The following NOL4 variants were observed in gnomAD, a reference collection of about 807,000 sequenced individuals.
NOL4 encodes the protein nucleolar protein 4.
In NOL4, 17 loss-of-function variants were observed where a neutral mutation model predicts 75.9. The ratio of observed to expected loss-of-function variants is 0.22; its 90% CI spans 0.15 to 0.34. NOL4 has a LOEUF of 0.34. NOL4 is among the 10% of genes least tolerant of loss of function. The pLI is 1.00. For synonymous variants in NOL4, 292 were observed against 289.9 expected, an observed-to-expected ratio of 1.01 and a Z score of -0.07; for missense variants, 614 against 793.5, an observed-to-expected ratio of 0.77 and a Z score of 2.72.
chr18:34,100,568 C>G (rs2079000387), intron 4 of NOL4, among the ~76,000 whole-genome samples: 1 of 152,124 alleles, frequency 6.6e-6, no homozygotes, highest in Admixed American at 6.6e-5. Context: ...AAACCTTTTT[C>G]CAGTTTTATT....
At chr18:33,995,468 C>T (rs1351311462) in intron 6 of NOL4, among the ~76,000 whole-genome samples, 5 of 151,454 alleles carry the variant, frequency 3.3e-5, no homozygotes, top group Non-Finnish European at 7.4e-5. Flanking sequence ...AAAAAACTGT[C>T]AATCATATCA....
chr18:34,139,285 C>T (rs1022971707), intron 1 of NOL4, among the ~76,000 whole-genome samples: 21 of 152,212 alleles, frequency 1.4e-4, no homozygotes, highest in South Asian at 1.2e-3. Context: ...TAGTAGAATT[C>T]GGCTGTGAAT....
chr18:33,955,463 T>C (rs897514399), intron 8 of NOL4, among the ~76,000 whole-genome samples: 2 of 152,060 alleles, frequency 1.3e-5, no homozygotes, highest in Admixed American at 1.3e-4. Context: ...AATTAGACTA[T>C]TTATTTATTT....
intron 4 of NOL4, among the ~76,000 whole-genome samples, chr18:34,096,899 A>AC (rs2078812202): frequency 6.6e-6 from 1 of 151,858 alleles, no homozygotes; most frequent in African/African-American, 2.4e-5. Context: ...TGAAATGGAG[A>AC]CCCCTAATCT....
chr18:34,079,029 C>G (rs2077872697), intron 5 of NOL4, among the ~76,000 whole-genome samples: 1 of 152,020 alleles, frequency 6.6e-6, no homozygotes, highest in Non-Finnish European at 1.5e-5. Context: ...TTTATTTGCC[C>G]CACTTCTGGT....
chr18:34,222,815 G>A, intron 1 of NOL4, 175 bp downstream of exon 1: 3 of 793,514 alleles, frequency 3.8e-6, no homozygotes, highest in Non-Finnish European at 5.9e-6. Context: ...TGTACAGTGG[G>A]GAAAACGCGC....
intron 9 of NOL4, among the ~76,000 whole-genome samples, chr18:33,919,951 A>G (rs1169071285): frequency 6.6e-6 from 1 of 152,194 alleles, no homozygotes; most frequent in African/African-American, 2.4e-5. Context: ...CTTTTTAACA[A>G]TAACAACATA....
chr18:34,146,585 A>G (rs1455757900), intron 1 of NOL4, among the ~76,000 whole-genome samples: 1 of 152,068 alleles, frequency 6.6e-6, no homozygotes, highest in Non-Finnish European at 1.5e-5. Context: ...AGTGGTCTAT[A>G]TATCTCTTTT....
At chr18:34,023,603 C>T (rs2075164892) in intron 5 of NOL4, 4 of 355,242 alleles carry the variant, frequency 1.1e-5, no homozygotes, top group Admixed American at 1.1e-4. Flanking sequence ...ATATGAGTCC[C>T]AAGGAAAACA....
At chr18:34,033,135 C>T (rs2075723182) in intron 5 of NOL4, among the ~76,000 whole-genome samples, 1 of 151,882 alleles carries the variant, frequency 6.6e-6, no homozygotes, top group African/African-American at 2.4e-5. Flanking sequence ...TGTAAAGGCA[C>T]AGGAAACATG....
intron 6 of NOL4, among the ~76,000 whole-genome samples, chr18:33,971,343 A>G (rs4799733): frequency 2.0e-5 from 3 of 152,010 alleles, no homozygotes; most frequent in Non-Finnish European, 2.9e-5. Flanking sequence ...GACAGTGAAC[A>G]TTCTCTTTTC....
chr18:34,055,908 AT>A (rs2076817034), intron 5 of NOL4, among the ~76,000 whole-genome samples: 2 of 151,882 alleles, frequency 1.3e-5, no homozygotes, highest in South Asian at 4.2e-4. Context: ...TCTCTAAATA[AT>A]TTTTCAATTC....
intron 9 of NOL4, among the ~76,000 whole-genome samples, chr18:33,909,386 C>A (rs962948927): frequency 2.6e-5 from 4 of 152,124 alleles, no homozygotes; most frequent in African/African-American, 9.7e-5. Flanking sequence ...GCAATTAAAA[C>A]CTTTTCCTAA....
intron 6 of NOL4, among the ~76,000 whole-genome samples, chr18:33,968,728 A>AT (rs1383402880): frequency 3.3e-5 from 5 of 152,148 alleles, no homozygotes; most frequent in African/African-American, 1.2e-4. Flanking sequence ...CTTTAGCATC[A>AT]TGCAATATGC....
rs151227021 is a variant in NOL4 at position 34,106,859 on chromosome 18, A to C, written c.415-1699T>G. Among the ~76,000 whole-genome samples, 555 of 152,182 alleles carry C rather than the reference A, an allele frequency of 3.6e-3. 1 individual carries two copies. The highest frequency in any genetic ancestry group is 0.013 in the African/African-American group (525 of 41,560). On this transcript the variant is annotated intron_variant, in intron 2 of 10. Coordinates refer to ENST00000261592, the MANE Select transcript of NOL4 (RefSeq NM_003787.5). ...ACTAATTCAGAAGAAAAAGTCTATA[A>C]TGCATGCTTCATCCTTATATTTTAT...
intron 9 of NOL4, among the ~76,000 whole-genome samples, chr18:33,911,140 C>A (rs1244291099): frequency 2.7e-5 from 4 of 147,838 alleles, no homozygotes; most frequent in South Asian, 2.3e-4. Flanking sequence ...GTGCTCCTCC[C>A]CCCCACCCCA....
chr18:33,905,906 C>A (rs2066010148), intron 9 of NOL4, among the ~76,000 whole-genome samples: 2 of 152,300 alleles, frequency 1.3e-5, no homozygotes, highest in South Asian at 4.1e-4. Flanking sequence ...AGATGGGAGA[C>A]AACATCCCAT....
Position 34,159,946 on chromosome 18 carries a change from C to CCAGT in NOL4, c.265-29930_265-29927dup, listed in dbSNP as rs1254281724. Among the ~76,000 whole-genome samples the CCAGT allele has an allele frequency of 1.4e-4, 21 of 152,196 alleles. No individual in the cohort carries two copies. In the East Asian group the frequency reaches 4.1e-3, roughly 30 times the overall value. Reference sequence around the variant, plus strand: ...GGGTGGAGTTGTCAGCTGGCCATATCCAGTCATCCCTGGCCAGGTAAACTA... The same window carrying CCAGT: ...GGGTGGAGTTGTCAGCTGGCCATATCCAGTCAGTCATCCCTGGCCAGGTAAACTA... On this transcript the variant is annotated intron_variant, in intron 1 of 10. Coordinates refer to ENST00000261592, the MANE Select transcript of NOL4 (RefSeq NM_003787.5).
chr18:34,106,798 A>G (rs1432273247), intron 2 of NOL4, among the ~76,000 whole-genome samples: 1 of 151,980 alleles, frequency 6.6e-6, no homozygotes, highest in Non-Finnish European at 1.5e-5. Flanking sequence ...TTCATTAGAG[A>G]TCATTATTTT....
Sources: gnomAD v4.1 joint callset for allele counts (sites outside exome capture counted in the v4.1 genomes callset) on GRCh38, gnomAD v4.1.1 for gene constraint, MANE v1.5 for transcripts, NCBI Gene and HGNC (gene_info 2026-07-23, HGNC 2026-07-21) for gene names.